PREX1: variants seen among roughly 807,000 people sequenced by gnomAD.
PREX1 encodes the protein phosphatidylinositol 3,4,5-trisphosphate-dependent Rac exchanger 1 protein.
A neutral mutation model predicts 198.3 loss-of-function variants in PREX1; 41 were observed. The observed-to-expected ratio is 0.21, with a 90% CI of 0.16 to 0.27. The LOEUF is 0.27. Among genes scored for constraint, PREX1 ranks in the 10% least tolerant of loss-of-function variants. The probability of loss-of-function intolerance (pLI) is 1.00; values close to 1 mark genes in which losing one functional copy is unlikely to be tolerated. For missense variants in PREX1, 1,620 were observed against 2,200.7 expected, an observed-to-expected ratio of 0.74 and a Z score of 5.28; for synonymous variants, 843 against 887.2, an observed-to-expected ratio of 0.95 and a Z score of 0.89.
the PREX1 span, among the ~76,000 whole-genome samples, chr20:48,851,972 G>A: frequency 5.3e-5 from 8 of 151,978 alleles, no homozygotes; most frequent in South Asian, 2.1e-4. Flanking sequence ...AGGACCTTTC[G>A]AGAATTCCAT....
At chr20:48,629,427 G>T in intron 37 of PREX1, 22 bp downstream of exon 37, 1 of 1,607,982 alleles carries the variant, frequency 6.2e-7, no homozygotes, top group South Asian at 1.1e-5. Context: ...CCCACACCCC[G>T]ACTCAGCGGG....
At chr20:48,852,086 C>T in the PREX1 span, among the ~76,000 whole-genome samples, 1 of 151,898 alleles carries the variant, frequency 6.6e-6, no homozygotes, top group East Asian at 1.9e-4. Context: ...GAAACCTAAC[C>T]CAGCCCACTT....
At chr20:48,657,619 G>T (rs111961401) in intron 17 of PREX1, among the ~76,000 whole-genome samples, 1 of 152,158 alleles carries the variant, frequency 6.6e-6, no homozygotes, top group Non-Finnish European at 1.5e-5. Flanking sequence ...TGGGTATGTC[G>T]CTCCTTGCAG....
the PREX1 span, among the ~76,000 whole-genome samples, chr20:48,855,870 C>T: frequency 2.0e-5 from 3 of 152,236 alleles, no homozygotes; most frequent in East Asian, 1.9e-4. Context: ...CACTGTACTC[C>T]GGCCTGGGCG....
At chr20:48,784,775 C>T (rs549248651) in intron 1 of PREX1, among the ~76,000 whole-genome samples, 39 of 152,350 alleles carry the variant, frequency 2.6e-4, no homozygotes, top group Admixed American at 2.4e-3. Context: ...GAGCCCACAG[C>T]AGCTCCTTCC....
In PREX1 at chr20:48,627,576, T is replaced by C; in HGVS notation, c.4909A>G (p.Lys1637Glu). The change falls in exon 39 of 40, where the codon AAG (lysine) becomes GAG (glutamate). Residue 1637 changes from lysine to glutamate, a missense_variant. Around this residue, in one of 7 missense-constraint regions of PREX1, gnomAD observed 476 missense variants for 603.4 expected, o/e 0.79. Transcript: ENST00000371941. Reference sequence around the variant, plus strand: ...GGAGCACCCTGGGGCATCTGGTCCTTGACTCGCAGGTTTTTGGCCAGAATC... The same window carrying C: ...GGAGCACCCTGGGGCATCTGGTCCTCGACTCGCAGGTTTTTGGCCAGAATC... ...VEILAKNLRV[K>E]DQMPQGAPRL... 4 of 1,613,248 alleles carry C rather than the reference T, an allele frequency of 2.5e-6. No individual in the cohort carries two copies. Among genetic ancestry groups the C allele is most frequent in the Non-Finnish European group, 3.4e-6 (4 of 1,179,858 alleles).
chr20:48,702,497 G>A (rs2089880405), intron 6 of PREX1, among the ~76,000 whole-genome samples: 1 of 152,218 alleles, frequency 6.6e-6, no homozygotes, highest in Non-Finnish European at 1.5e-5. Context: ...ACATCTCCCA[G>A]CCCCCCTTGT....
intron 3 of PREX1, among the ~76,000 whole-genome samples, chr20:48,743,584 G>C (rs2090092122): frequency 6.6e-6 from 1 of 152,224 alleles, no homozygotes; most frequent in African/African-American, 2.4e-5. Context: ...AAAGATGGAG[G>C]AGCGTCCGCT....
At chr20:48,832,112 G>GA (rs919734562), upstream of PREX1, among the ~76,000 whole-genome samples, 100 of 126,098 alleles carry the variant, frequency 7.9e-4, no homozygotes, top group East Asian at 3.2e-3. Flanking sequence ...GGAGGAAGAA[G>GA]AAAAAAAAAA....
chr20:48,710,898 G>A (rs541244390), intron 5 of PREX1, among the ~76,000 whole-genome samples: 2 of 152,358 alleles, frequency 1.3e-5, no homozygotes, highest in African/African-American at 2.4e-5. Flanking sequence ...GCAAGTGAGC[G>A]AGAGGGATGG....
At chr20:48,846,551 C>T in the PREX1 span, among the ~76,000 whole-genome samples, 1 of 152,202 alleles carries the variant, frequency 6.6e-6, no homozygotes, top group African/African-American at 2.4e-5. Context: ...CAGTCTCCAC[C>T]TTGGTCTTGC....
intron 35 of PREX1, among the ~76,000 whole-genome samples, 177 bp from the exon 36 acceptor site, chr20:48,630,971 CG>C (rs370710033): frequency 3.3e-5 from 5 of 152,024 alleles, no homozygotes; most frequent in Non-Finnish European, 7.4e-5. Context: ...CTACAACAGC[CG>C]GGGGGGAAAG....
At chr20:48,823,954 T>C (rs1404318181) in intron 1 of PREX1, among the ~76,000 whole-genome samples, 1 of 152,128 alleles carries the variant, frequency 6.6e-6, no homozygotes, top group Non-Finnish European at 1.5e-5. Context: ...ATCCCCTTCA[T>C]AAAGAAAATT....
rs1555834273 is a variant in PREX1, at chr20:48,676,176, C to T, written c.1665+17G>A. The stretch of plus-strand genomic sequence containing the variant: ...CAAAGCAGAACACTGGTCACACACC[C>T]CTGAGGAGGCCCTCACCTGAGCCAG... On this transcript the variant is annotated intron_variant, in intron 14 of 39. Coordinates refer to ENST00000371941, the MANE Select transcript of PREX1 (RefSeq NM_020820.4). 2 of 1,610,378 alleles carry T rather than the reference C, an allele frequency of 1.2e-6. No individual in the cohort carries two copies. The highest frequency in any genetic ancestry group is 1.1e-5 in the South Asian group (1 of 90,998).
At chr20:48,884,073 G>A in the PREX1 span, among the ~76,000 whole-genome samples, 34 of 146,580 alleles carry the variant, frequency 2.3e-4, no homozygotes, top group Non-Finnish European at 9.0e-5. Flanking sequence ...CTCAGGAGGC[G>A]GAGCTTGCAG....
chr20:48,780,484 CA>C (rs938038278), intron 1 of PREX1, among the ~76,000 whole-genome samples: 3 of 149,798 alleles, frequency 2.0e-5, no homozygotes, highest in Admixed American at 6.6e-5. Context: ...TTTTAATGTT[CA>C]AAAAAAAGAG....
intron 1 of PREX1, among the ~76,000 whole-genome samples, chr20:48,767,691 C>T (rs2090215336): frequency 1.3e-5 from 2 of 152,176 alleles, no homozygotes; most frequent in Non-Finnish European, 2.9e-5. Flanking sequence ...TCCCCAGAGT[C>T]GTGTGTCTCA....
intron 6 of PREX1, among the ~76,000 whole-genome samples, chr20:48,705,170 C>T (rs1427837366): frequency 2.0e-5 from 3 of 152,234 alleles, no homozygotes; most frequent in East Asian, 1.9e-4. Context: ...ATCCTGACTT[C>T]GCAGATGAGG....
chr20:48,634,148 A>G (rs138312200), intron 33 of PREX1, among the ~76,000 whole-genome samples: 105 of 114,110 alleles, frequency 9.2e-4, no homozygotes, highest in South Asian at 3.2e-3. Flanking sequence ...GGGTGGGTGG[A>G]TGGATGGATG....
Sources: gnomAD v4.1 joint callset for allele counts (sites outside exome capture counted in the v4.1 genomes callset) on GRCh38, gnomAD v4.1.1 for gene constraint, gnomAD v4.1.1 regional missense constraint, MANE v1.5 for transcripts, NCBI Gene and HGNC (gene_info 2026-07-23, HGNC 2026-07-21) for gene names.